FAM131A: variants seen among roughly 807,000 people sequenced by gnomAD.
FAM131A encodes family with sequence similarity 131 member A, also known as protein FAM131A.
Under a neutral mutation model 39.2 loss-of-function variants are expected in FAM131A, and 24 were observed. That is an observed-to-expected ratio of 0.61 (90% CI 0.44 to 0.86). FAM131A has a LOEUF of 0.86. Among genes scored for constraint, FAM131A ranks in the 40% least tolerant of loss-of-function variants. The probability of loss-of-function intolerance (pLI) is 0.00; values close to 1 mark genes in which losing one functional copy is unlikely to be tolerated. For synonymous variants in FAM131A, 202 were observed against 206.8 expected (o/e 0.98, Z 0.20); for missense variants, 373 against 481.2 (o/e 0.78, Z 2.10).
At chr3:184,340,995 A>T (rs1488105400) in intron 2 of FAM131A, 1 of 153,182 alleles carries the variant, frequency 6.5e-6, no homozygotes, top group Admixed American at 6.5e-5. Flanking sequence ...GGCCTGAGAA[A>T]ATAGCATGGG....
chr3:184,343,744 T>C (rs1397673850), intron 5 of FAM131A, among the ~76,000 whole-genome samples: 7 of 152,242 alleles, frequency 4.6e-5, no homozygotes, highest in Admixed American at 2.0e-4. Context: ...GGGGTAATGA[T>C]AATAACTAAC....
chr3:184,337,615 C>T lies in FAM131A; in HGVS notation c.-16C>T. 1.3e-6 allele frequency: 2 copies of T among 1,536,942 alleles called. No homozygotes were observed. The highest frequency in any genetic ancestry group is 2.0e-5 in the Admixed American group (1 of 50,992). Reference sequence around the variant, plus strand: ...GCGGTTCTGGGCTTTTGGTTCTCTGCATCAACACAGCCAGCATGCCTATGA... The same window carrying T: ...GCGGTTCTGGGCTTTTGGTTCTCTGTATCAACACAGCCAGCATGCCTATGA... On this transcript the variant is annotated 5_prime_UTR_variant, in exon 1 of 6. Coordinates refer to ENST00000383847, the MANE Select transcript of FAM131A (RefSeq NM_144635.5).
rs1047572446 is a variant in FAM131A, at chr3:184,338,715, G to A, written c.231+186G>A. Reference sequence around the variant, plus strand: ...TCTGCTCGGCGCTGTGCCAGCAGGCGGAGAGCTCGCGCCTTCCGCGCTGAC... The same window carrying A: ...TCTGCTCGGCGCTGTGCCAGCAGGCAGAGAGCTCGCGCCTTCCGCGCTGAC... On this transcript the variant is annotated intron_variant, in intron 2 of 5. Coordinates refer to ENST00000383847, the MANE Select transcript of FAM131A (RefSeq NM_144635.5). 7.3e-6 allele frequency: 5 copies of A among 685,312 alleles called. No homozygotes were observed. The South Asian group carries it at 8.3e-5, about 11-fold the overall frequency. The allele number at this position is 685,312 out of a possible 1,614,324, so 42.5% of individuals were successfully genotyped here.
rs1261153646 is a variant in FAM131A, at chr3:184,345,721, T to A, written c.*751T>A. The A allele has an allele frequency of 1.0e-5, 6 of 601,898 alleles. No homozygotes were observed. The highest frequency in any genetic ancestry group is 1.5e-5 in the Non-Finnish European group (5 of 340,582). The allele number at this position is 601,898 out of a possible 1,614,324, so 37.3% of individuals were successfully genotyped here. On this transcript the variant is annotated 3_prime_UTR_variant, in exon 6 of 6. Coordinates refer to ENST00000383847, the MANE Select transcript of FAM131A (RefSeq NM_144635.5). ...CTCCTAGGATGTGCGGGCAGTGTGC[T>A]GGCGCCTCACAGCCAGCCGGGCTGC...
At chr3:184,343,992 A>ATT (rs779592335) in intron 5 of FAM131A, among the ~76,000 whole-genome samples, 3 of 49,324 alleles carry the variant, frequency 6.1e-5, no homozygotes, top group Non-Finnish European at 1.1e-4. Context: ...TGTGTGCCAG[A>ATT]CTTTTTTTTT....
chr3:184,342,979 G>C lies in FAM131A; in HGVS notation c.625+119G>C. 1 of 855,048 alleles carries C rather than the reference G, an allele frequency of 1.2e-6. No individual in the cohort carries two copies. The highest frequency in any genetic ancestry group is 1.9e-6 in the Non-Finnish European group (1 of 520,886). 53.0% of individuals were successfully genotyped at this position (855,048 alleles called of 1,614,324 possible). ...AAGGGGAGGGAGAGGGACAGACTCA[G>C]TCCAGGCAGGCCTGGACACTCCAGG... On this transcript the variant is annotated intron_variant, in intron 5 of 5. Coordinates refer to ENST00000383847, the MANE Select transcript of FAM131A (RefSeq NM_144635.5). This position sits in a 1 kb window ranked among gnomAD's most constrained non-coding sequence, Gnocchi z 4.6.
Position 184,342,997 on chromosome 3 carries a change from A to C in FAM131A, c.625+137A>C. On this transcript the variant is annotated intron_variant, in intron 5 of 5. Coordinates refer to ENST00000383847, the MANE Select transcript of FAM131A (RefSeq NM_144635.5). This position sits in a 1 kb window ranked among gnomAD's most constrained non-coding sequence, Gnocchi z 4.6. ...AGACTCAGTCCAGGCAGGCCTGGAC[A>C]CTCCAGGGACAGGAAGGCTGTCCAC... The C allele has an allele frequency of 3.1e-6, 2 of 654,054 alleles. No homozygotes were observed. The highest frequency in any genetic ancestry group is 2.4e-5 in the Admixed American group (1 of 41,156). 40.5% of individuals were successfully genotyped at this position (654,054 alleles called of 1,614,324 possible). A position where few individuals can be genotyped will look rare whatever the true frequency, so the allele number is the denominator to read the frequency against.
Position 184,344,589 on chromosome 3 carries a change from T to C in FAM131A, c.720T>C (p.Pro240=). 1.9e-6 allele frequency: 3 copies of C among 1,612,028 alleles called. No homozygotes were observed. The highest frequency in any genetic ancestry group is 2.5e-6 in the Non-Finnish European group (3 of 1,179,120). ...CTGTGCGCCAGGGCTCCGTGGAGCC[T>C]GAGAGCGACTGCTCACAGACCGTGT... is the stretch of plus-strand genomic sequence containing the variant. ...SRPVRQGSVE[P]ESDCSQTVSP... The change falls in exon 6 of 6, where the codon CCT becomes CCC. Residue 240 remains proline (P), a synonymous_variant. Transcript: ENST00000383847.
intron 2 of FAM131A, chr3:184,341,515 G>T: frequency 1.7e-6 from 1 of 593,648 alleles, no homozygotes; most frequent in Non-Finnish European, 3.0e-6. Context: ...GCTTCTCGGG[G>T]CCTGTCTGAA....
In FAM131A at chr3:184,344,998, ATCCCCCGGCTGC is replaced by A; in HGVS notation, c.*30_*41del. 6.8e-7 allele frequency: 1 copy of A among 1,475,230 alleles called. No individual in the cohort carries two copies. Among genetic ancestry groups the A allele is most frequent in the Non-Finnish European group, 9.0e-7 (1 of 1,111,116 alleles). 91.4% of individuals were successfully genotyped at this position (1,475,230 alleles called of 1,614,324 possible). On this transcript the variant is annotated 3_prime_UTR_variant, in exon 6 of 6. Coordinates refer to ENST00000383847, the MANE Select transcript of FAM131A (RefSeq NM_144635.5). ...CACATCATGCCTGGCAGTGGCATGC[ATCCCCCGGCTGC>A]TGCCAGGGGCAGAGCCTCTGTGCCC... is the stretch of plus-strand genomic sequence containing the variant.
At chr3:184,340,247 T>G (rs1272641808) in intron 2 of FAM131A, 3 of 150,708 alleles carry the variant, frequency 2.0e-5, no homozygotes, top group African/African-American at 7.3e-5. Context: ...CTACCCACCT[T>G]GGCCCCTTGG....
chr3:184,336,354 ATGGTC>A (rs1727093394), upstream of FAM131A, among the ~76,000 whole-genome samples: 1 of 152,148 alleles, frequency 6.6e-6, no homozygotes, highest in African/African-American at 2.4e-5. This position sits in a 1 kb window ranked among gnomAD's most constrained non-coding sequence, Gnocchi z 5.5. Context: ...GGGCAGACGC[ATGGTC>A]TCGCCGCTGG....
chr3:184,345,307 G>A lies in FAM131A; in HGVS notation c.*337G>A. 1.7e-6 allele frequency: 1 copy of A among 579,632 alleles called. No individual in the cohort carries two copies. The highest frequency in any genetic ancestry group is 3.0e-6 in the Non-Finnish European group (1 of 328,922). 35.9% of individuals were successfully genotyped at this position (579,632 alleles called of 1,614,324 possible). A position where few individuals can be genotyped will look rare whatever the true frequency, so the allele number is the denominator to read the frequency against. ...GATAATGTGAACCACTAAGGGGGTT[G>A]TGACTGGGCTGTGTGAGGGTGGGGT... is the stretch of plus-strand genomic sequence containing the variant. On this transcript the variant is annotated 3_prime_UTR_variant, in exon 6 of 6. Coordinates refer to ENST00000383847, the MANE Select transcript of FAM131A (RefSeq NM_144635.5).
rs1327793983 is a variant in FAM131A, at chr3:184,345,725, G to A, written c.*755G>A. 1.8e-5 allele frequency: 11 copies of A among 597,952 alleles called. No homozygotes were observed. Among genetic ancestry groups the A allele is most frequent in the Middle Eastern group, 2.7e-4 (1 of 3,720 alleles). 37.0% of individuals were successfully genotyped at this position (597,952 alleles called of 1,614,324 possible). On this transcript the variant is annotated 3_prime_UTR_variant, in exon 6 of 6. Transcript: ENST00000383847. ...TAGGATGTGCGGGCAGTGTGCTGGC[G>A]CCTCACAGCCAGCCGGGCTGCCCAT...
At chr3:184,337,911 A>T (rs753475279) in intron 1 of FAM131A, among the ~76,000 whole-genome samples, 193 bp downstream of exon 1, 1 of 152,144 alleles carries the variant, frequency 6.6e-6, no homozygotes, top group African/African-American at 2.4e-5. Flanking sequence ...AAAAAATATC[A>T]TGAGTTCGTC....
At position 184,345,600 on chromosome 3, in the gene FAM131A, G is replaced by C. The variant is rs758900741; in HGVS notation, c.*630G>C. On this transcript the variant is annotated 3_prime_UTR_variant, in exon 6 of 6. Coordinates refer to ENST00000383847, the MANE Select transcript of FAM131A (RefSeq NM_144635.5). ...GGTTTTTGGTCTGTTTTTTCAGTCG[G>C]ATCTTCTCTTCTCTGGGAGGCTTTG... 16 of 703,016 alleles carry C rather than the reference G, an allele frequency of 2.3e-5. No individual in the cohort carries two copies. In the Admixed American group the frequency reaches 2.8e-4, roughly 12 times the overall value. 43.5% of individuals were successfully genotyped at this position (703,016 alleles called of 1,614,324 possible). A position where few individuals can be genotyped will look rare whatever the true frequency, so the allele number is the denominator to read the frequency against.
Position 184,338,504 on chromosome 3 carries a change from CG to C in FAM131A, c.208del (p.Val70TrpfsTer9), listed in dbSNP as rs1488575818. On this transcript the variant is annotated frameshift_variant, in exon 2 of 6. Transcript: ENST00000383847. LOFTEE classifies it high-confidence loss of function. Reference sequence around the variant, plus strand: ...TGGAGCAGGTCCTCCCGCCCTTCCTCGGTGGACAGTCAGGACTTGCCAGAGG... The same window carrying C: ...TGGAGCAGGTCCTCCCGCCCTTCCTCGTGGACAGTCAGGACTTGCCAGAGG... ...RGWSRSSRPS[S>X]VDSQDLPEVN... 1 of 1,536,394 alleles carries C rather than the reference CG, an allele frequency of 6.5e-7. No homozygotes were observed.
Position 184,345,594 on chromosome 3 carries a change from C to T in FAM131A, c.*624C>T, listed in dbSNP as rs73187642. ...ACAGAAGGTTTTTGGTCTGTTTTTT[C>T]AGTCGGATCTTCTCTTCTCTGGGAG... On this transcript the variant is annotated 3_prime_UTR_variant, in exon 6 of 6. Coordinates refer to ENST00000383847, the MANE Select transcript of FAM131A (RefSeq NM_144635.5). 0.05 allele frequency: 35,266 copies of T among 703,160 alleles called. 1,120 individuals carry two copies. The highest frequency in any genetic ancestry group is 0.12 in the East Asian group (4,447 of 37,268). The allele number at this position is 703,160 out of a possible 1,614,324, so 43.6% of individuals were successfully genotyped here. A position where few individuals can be genotyped will look rare whatever the true frequency, so the allele number is the denominator to read the frequency against.
chr3:184,345,192 G>T lies in FAM131A; in HGVS notation c.*222G>T. 1.7e-6 allele frequency: 1 copy of T among 584,770 alleles called. No individual in the cohort carries two copies. Among genetic ancestry groups the T allele is most frequent in the Non-Finnish European group, 3.0e-6 (1 of 334,436 alleles). 36.2% of individuals were successfully genotyped at this position (584,770 alleles called of 1,614,324 possible). On this transcript the variant is annotated 3_prime_UTR_variant, in exon 6 of 6. Coordinates refer to ENST00000383847, the MANE Select transcript of FAM131A (RefSeq NM_144635.5). ...TGCCCCCACTCCCGGGGCTTGCCGG[G>T]GGTTGCCCGGGGCCTCTGGGGCATG...
Sources: gnomAD v4.1 joint callset for allele counts (sites outside exome capture counted in the v4.1 genomes callset) on GRCh38, gnomAD v4.1.1 for gene constraint, Gnocchi (gnomAD v3.1) non-coding constraint, MANE v1.5 for transcripts, NCBI Gene and HGNC (gene_info 2026-07-23, HGNC 2026-07-21) for gene names.